Variants in PIBF1 observed in about 807,000 individuals in gnomAD.
The protein encoded by PIBF1 is progesterone-induced-blocking factor 1.
A neutral mutation model predicts 112.5 loss-of-function variants in PIBF1; 90 were observed. The ratio of observed to expected loss-of-function variants is 0.80; its 90% CI spans 0.67 to 0.95. The LOEUF (loss-of-function observed/expected upper bound fraction) is 0.95, where lower values mean the gene tolerates loss of function less well. Ranked by LOEUF, PIBF1 falls within the 40% of genes least tolerant of loss-of-function variation. PIBF1 has a pLI of 0.00. For missense variants in PIBF1, 915 were observed against 852.3 expected (o/e 1.07, Z -0.92); for synonymous variants, 301 against 288.6 (o/e 1.04, Z -0.44).
intron 9 of PIBF1, among the ~76,000 whole-genome samples, chr13:72,849,084 T>A (rs904471414): frequency 3.3e-5 from 5 of 152,242 alleles, no homozygotes; most frequent in African/African-American, 1.2e-4. Context: ...AGATTTATTT[T>A]CTTCAATCTT....
At chr13:72,971,970 C>T (rs2042902956) in intron 15 of PIBF1, among the ~76,000 whole-genome samples, 2 of 149,488 alleles carry the variant, frequency 1.3e-5, no homozygotes, top group African/African-American at 4.9e-5. Flanking sequence ...AAAAAAAAGT[C>T]TGCCAAATAT....
At chr13:72,829,370 T>C (rs1354139720) in intron 8 of PIBF1, among the ~76,000 whole-genome samples, 1 of 152,246 alleles carries the variant, frequency 6.6e-6, no homozygotes, top group African/African-American at 2.4e-5. Flanking sequence ...ACATCCTGAA[T>C]GATATTGCCC....
intron 11 of PIBF1, chr13:72,901,095 A>C: frequency 2.2e-6 from 1 of 448,700 alleles, no homozygotes; most frequent in Non-Finnish European, 4.5e-6. Flanking sequence ...GCTTTCGCAC[A>C]GCAAAAGGAA....
rs201329327 is a variant in PIBF1 at position 72,985,180 on chromosome 13, C to CA, written c.2049+11514dup. ...TCTGAGACATAAGGAGACACACACA[C>CA]AAAAAAAAACTACAAAACTGTAAAA... On this transcript the variant is annotated intron_variant, in intron 16 of 17. Transcript: ENST00000326291. Among the ~76,000 whole-genome samples the CA allele has an allele frequency of 7.1e-4, 106 of 150,340 alleles. 1 individual carries two copies. The highest frequency in any genetic ancestry group is 2.3e-3 in the African/African-American group (95 of 41,108).
At chr13:72,950,226 C>A (rs981310985) in intron 14 of PIBF1, among the ~76,000 whole-genome samples, 2 of 152,044 alleles carry the variant, frequency 1.3e-5, no homozygotes, top group African/African-American at 4.8e-5. Flanking sequence ...TCTATTCCTC[C>A]GAATTATTTA....
Position 72,841,027 on chromosome 13 carries a change from T to C in PIBF1, c.1223+5659T>C, listed in dbSNP as rs184279003. 9.5e-4 allele frequency among the ~76,000 whole-genome samples: 145 copies of C among 152,248 alleles called. 1 individual carries two copies. Among genetic ancestry groups the C allele is most frequent in the African/African-American group, 3.2e-3 (133 of 41,552 alleles). On this transcript the variant is annotated intron_variant, in intron 9 of 17. Transcript: ENST00000326291. ...TCCACTAGTTCTTGAAGTTAAAGTA[T>C]TGAGAGAAAAGAAAGAGAGTAGAAG... is the stretch of plus-strand genomic sequence containing the variant.
chr13:72,836,385 A>G (rs2037361261), intron 9 of PIBF1, among the ~76,000 whole-genome samples: 1 of 152,152 alleles, frequency 6.6e-6, no homozygotes, highest in Non-Finnish European at 1.5e-5. Flanking sequence ...ATCAGACTTA[A>G]TCTATAATAG....
At chr13:72,945,535 G>T (rs1187093716) in intron 14 of PIBF1, among the ~76,000 whole-genome samples, 1 of 152,106 alleles carries the variant, frequency 6.6e-6, no homozygotes, top group Non-Finnish European at 1.5e-5. Flanking sequence ...TTTCTCCTCA[G>T]CCTCACCAGT....
At chr13:72,995,762 C>G (rs888788534) in intron 16 of PIBF1, among the ~76,000 whole-genome samples, 2 of 151,896 alleles carry the variant, frequency 1.3e-5, no homozygotes, top group African/African-American at 4.8e-5. Context: ...CCAGCCTGGC[C>G]AAGATGGTGA....
intron 17 of PIBF1, among the ~76,000 whole-genome samples, chr13:73,007,537 C>T (rs902268179): frequency 3.3e-5 from 5 of 152,120 alleles, no homozygotes; most frequent in African/African-American, 1.2e-4. Context: ...AGGCCAGGCG[C>T]AGTGGCTCAC....
intron 16 of PIBF1, among the ~76,000 whole-genome samples, chr13:72,989,489 A>G (rs1406067756): frequency 2.6e-5 from 4 of 152,156 alleles, no homozygotes; most frequent in Admixed American, 6.5e-5. Flanking sequence ...AAAAAAGCAG[A>G]CGGTATATGA....
chr13:72,892,691 G>A (rs2040101963), intron 10 of PIBF1, among the ~76,000 whole-genome samples: 1 of 151,752 alleles, frequency 6.6e-6, no homozygotes, highest in South Asian at 2.1e-4. Context: ...AGATACCATA[G>A]ATAAAACAGA....
At chr13:72,824,960 T>C (rs900596414) in intron 6 of PIBF1, among the ~76,000 whole-genome samples, 2 of 152,156 alleles carry the variant, frequency 1.3e-5, no homozygotes, top group Non-Finnish European at 2.9e-5. Flanking sequence ...CTAACCTGAA[T>C]CTAATAATGA....
intron 16 of PIBF1, among the ~76,000 whole-genome samples, chr13:72,978,669 C>T (rs2043083494): frequency 6.6e-6 from 1 of 151,990 alleles, no homozygotes; most frequent in South Asian, 2.1e-4. Context: ...ACTTTTGATA[C>T]CTCAGAATAA....
At chr13:72,964,733 T>G (rs1252495105) in intron 14 of PIBF1, among the ~76,000 whole-genome samples, 1 of 152,278 alleles carries the variant, frequency 6.6e-6, no homozygotes. Context: ...AAAATTTAAG[T>G]TTATGCATTC....
chr13:72,949,715 G>C (rs2042248066), intron 14 of PIBF1, among the ~76,000 whole-genome samples: 1 of 152,162 alleles, frequency 6.6e-6, no homozygotes, highest in Non-Finnish European at 1.5e-5. Flanking sequence ...ATTTGTGTGT[G>C]TGTGTATCTG....
At chr13:72,969,728 A>G (rs1298585746) in intron 15 of PIBF1, 1 of 152,212 alleles carries the variant, frequency 6.6e-6, no homozygotes, top group African/African-American at 2.4e-5. Flanking sequence ...CTTTAAATAC[A>G]CATCAGGCTG....
intron 10 of PIBF1, among the ~76,000 whole-genome samples, chr13:72,865,854 T>C (rs960833380): frequency 1.3e-5 from 2 of 152,210 alleles, no homozygotes; most frequent in African/African-American, 2.4e-5. Context: ...TTCTCAAATA[T>C]ACACATCAAA....
At chr13:72,971,514 G>A (rs1362931357) in intron 15 of PIBF1, among the ~76,000 whole-genome samples, 1 of 151,976 alleles carries the variant, frequency 6.6e-6, no homozygotes, top group East Asian at 1.9e-4. Context: ...GGGATCTCTG[G>A]CGCCTAACTC....
Sources: gnomAD v4.1 joint callset for allele counts (sites outside exome capture counted in the v4.1 genomes callset) on GRCh38, gnomAD v4.1.1 for gene constraint, MANE v1.5 for transcripts, NCBI Gene and HGNC (gene_info 2026-07-23, HGNC 2026-07-21) for gene names.